The following BRINP3 variants were observed in gnomAD, a reference collection of about 807,000 sequenced individuals.
The protein encoded by BRINP3 is BMP/retinoic acid-inducible neural-specific protein 3.
In BRINP3, 19 loss-of-function variants were observed where a neutral mutation model predicts 71.0. The observed-to-expected ratio is 0.27, with a 90% CI of 0.19 to 0.39. BRINP3 has a LOEUF of 0.39. BRINP3 is among the 10% of genes least tolerant of loss of function. BRINP3 has a pLI of 1.00. For synonymous variants in BRINP3, 380 were observed against 337.7 expected (o/e 1.13, Z -1.37); for missense variants, 959 against 940.8 (o/e 1.02, Z -0.25).
chr1:190,277,162 G>A (rs1321324717), intron 3 of BRINP3, among the ~76,000 whole-genome samples: 2 of 126,952 alleles, frequency 1.6e-5, no homozygotes, highest in East Asian at 2.5e-4. Flanking sequence ...TCCTCTACAT[G>A]AGAAATTGTT....
intron 2 of BRINP3, among the ~76,000 whole-genome samples, chr1:190,318,079 T>A (rs1196143514): frequency 2.0e-5 from 3 of 152,094 alleles, no homozygotes; most frequent in African/African-American, 7.2e-5. Flanking sequence ...CCTCTTTCTT[T>A]ATATTGGTAA....
intron 7 of BRINP3, among the ~76,000 whole-genome samples, chr1:190,114,147 A>G (rs1475240021): frequency 6.6e-6 from 1 of 152,050 alleles, no homozygotes; most frequent in African/African-American, 2.4e-5. Flanking sequence ...CTGGCCCTGT[A>G]GAAGTGTATG....
chr1:190,328,518 C>A (rs1666754808), intron 2 of BRINP3, among the ~76,000 whole-genome samples: 1 of 151,878 alleles, frequency 6.6e-6, no homozygotes, highest in Non-Finnish European at 1.5e-5. Context: ...AGAATAATAT[C>A]TAGTTCAGAA....
intron 2 of BRINP3, among the ~76,000 whole-genome samples, chr1:190,412,157 A>G (rs1481037138): frequency 6.6e-6 from 1 of 151,888 alleles, no homozygotes; most frequent in Non-Finnish European, 1.5e-5. Flanking sequence ...AAAAAAAAGT[A>G]CCTAACAGAA....
chr1:190,279,716 G>C (rs926768014), intron 3 of BRINP3, among the ~76,000 whole-genome samples: 15 of 151,726 alleles, frequency 9.9e-5, no homozygotes, highest in Non-Finnish European at 1.5e-5. Context: ...TTTTCAACCT[G>C]TTCATGCCTT....
At chr1:190,117,289 A>G (rs1238071785) in intron 7 of BRINP3, among the ~76,000 whole-genome samples, 1 of 152,042 alleles carries the variant, frequency 6.6e-6, no homozygotes, top group Admixed American at 6.6e-5. Flanking sequence ...TAAGATTTAT[A>G]AGTATTTATT....
intron 6 of BRINP3, among the ~76,000 whole-genome samples, chr1:190,204,883 A>T (rs745941166): frequency 6.6e-6 from 1 of 152,064 alleles, no homozygotes; most frequent in Non-Finnish European, 1.5e-5. Context: ...TGATAGATTT[A>T]ATGAATATTT....
chr1:190,116,199 A>G (rs1376769204), intron 7 of BRINP3, among the ~76,000 whole-genome samples: 2 of 152,130 alleles, frequency 1.3e-5, no homozygotes, highest in African/African-American at 4.8e-5. Context: ...AATAAATGTC[A>G]TGTAATTCCT....
chr1:190,239,385 A>G (rs1173641477), intron 4 of BRINP3, among the ~76,000 whole-genome samples: 4 of 152,144 alleles, frequency 2.6e-5, no homozygotes, highest in South Asian at 2.1e-4. Flanking sequence ...AAATGTTTCA[A>G]TATTCTAACA....
At chr1:190,164,332 A>C (rs949116969) in intron 6 of BRINP3, among the ~76,000 whole-genome samples, 1 of 152,116 alleles carries the variant, frequency 6.6e-6, no homozygotes, top group East Asian at 1.9e-4. Context: ...GTTTTTCATT[A>C]TTTGTAAGTA....
chr1:190,408,298 C>T lies in BRINP3; in HGVS notation c.236+46357G>A, dbSNP rs111720705. 9.9e-3 allele frequency among the ~76,000 whole-genome samples: 1,505 copies of T among 152,028 alleles called. 24 individuals carry two copies. The highest frequency in any genetic ancestry group is 0.034 in the African/African-American group (1,413 of 41,454). ...TGACCTTGAGATCCGCCCACCTCGG[C>T]CTCTCAAAGTGCTGGGATTACAGGC... is the stretch of plus-strand genomic sequence containing the variant. On this transcript the variant is annotated intron_variant, in intron 2 of 7. Transcript: ENST00000367462.
At chr1:190,388,254 T>C (rs1281150107) in intron 2 of BRINP3, among the ~76,000 whole-genome samples, 1 of 151,780 alleles carries the variant, frequency 6.6e-6, no homozygotes, top group Non-Finnish European at 1.5e-5. Flanking sequence ...GCAGCATCTG[T>C]AGAGAAAAAG....
intron 2 of BRINP3, among the ~76,000 whole-genome samples, chr1:190,411,161 C>A (rs1379465940): frequency 6.6e-6 from 1 of 151,960 alleles, no homozygotes; most frequent in Non-Finnish European, 1.5e-5. Context: ...CATTAATGAA[C>A]CCTTTCTATA....
rs184166621 is a variant in BRINP3 at position 190,214,642 on chromosome 1, T to C, written c.961+11440A>G. 2.6e-5 allele frequency among the ~76,000 whole-genome samples: 4 copies of C among 152,148 alleles called. No homozygotes were observed. In the East Asian group the frequency reaches 7.8e-4, roughly 30 times the overall value. On this transcript the variant is annotated intron_variant, in intron 6 of 7. Coordinates refer to ENST00000367462, the MANE Select transcript of BRINP3 (RefSeq NM_199051.3). ...CTTTAAGACTTAGTGTATGCATTGTTTGTGGTGTTTTCTCCTTCTGCCATC... is the reference window on the plus strand; with the variant it reads ...CTTTAAGACTTAGTGTATGCATTGTCTGTGGTGTTTTCTCCTTCTGCCATC...
chr1:190,350,836 T>C (rs990396104), intron 2 of BRINP3, among the ~76,000 whole-genome samples: 14 of 152,040 alleles, frequency 9.2e-5, no homozygotes, highest in Non-Finnish European at 1.3e-4. Flanking sequence ...TTTTTTTTTT[T>C]TTTTAGACTG....
chr1:190,201,843 A>G (rs1655034801), intron 6 of BRINP3, among the ~76,000 whole-genome samples: 1 of 152,208 alleles, frequency 6.6e-6, no homozygotes, highest in African/African-American at 2.4e-5. Flanking sequence ...CCTAGATTTC[A>G]GAATACACAT....
chr1:190,176,506 AG>A (rs1471257272), intron 6 of BRINP3, among the ~76,000 whole-genome samples: 1 of 152,216 alleles, frequency 6.6e-6, no homozygotes, highest in African/African-American at 2.4e-5. Flanking sequence ...GTACATGAAA[AG>A]TACCTTGGAA....
chr1:190,352,436 C>A (rs940576564), intron 2 of BRINP3, among the ~76,000 whole-genome samples: 3 of 151,918 alleles, frequency 2.0e-5, no homozygotes, highest in Admixed American at 2.0e-4. Context: ...AAGACAGTAT[C>A]ACACAAAGTA....
At chr1:190,244,007 G>A (rs184496721) in intron 4 of BRINP3, among the ~76,000 whole-genome samples, 4 of 152,096 alleles carry the variant, frequency 2.6e-5, no homozygotes, top group Middle Eastern at 3.4e-3. Flanking sequence ...CTAGTGGCAG[G>A]AAAACAAGCT....
Sources: gnomAD v4.1 joint callset for allele counts (sites outside exome capture counted in the v4.1 genomes callset) on GRCh38, gnomAD v4.1.1 for gene constraint, MANE v1.5 for transcripts, NCBI Gene and HGNC (gene_info 2026-07-23, HGNC 2026-07-21) for gene names.